STOX2: variants seen among roughly 807,000 people sequenced by gnomAD.
STOX2 encodes the protein storkhead-box protein 2.
STOX2 carries 28 observed loss-of-function variants against 60.9 expected under a neutral mutation model. The observed-to-expected ratio is 0.46, with a 90% CI of 0.34 to 0.63. The LOEUF is 0.63. Ranked by LOEUF, STOX2 falls within the 30% of genes least tolerant of loss-of-function variation. The probability of loss-of-function intolerance (pLI) is 0.01; values close to 1 mark genes in which losing one functional copy is unlikely to be tolerated. For synonymous variants in STOX2, 472 were observed against 463.9 expected, an observed-to-expected ratio of 1.02 and a Z score of -0.22; for missense variants, 1,024 against 1,187.7, an observed-to-expected ratio of 0.86 and a Z score of 2.03.
chr4:183,869,412 C>G (rs926062475), intron 1 of STOX2, among the ~76,000 whole-genome samples: 4 of 152,044 alleles, frequency 2.6e-5, no homozygotes, highest in Admixed American at 2.0e-4. Context: ...CATGGGAATC[C>G]TGTGAAAGGT....
intron 1 of STOX2, among the ~76,000 whole-genome samples, chr4:183,931,594 T>C (rs1279551458): frequency 6.6e-6 from 1 of 152,178 alleles, no homozygotes; most frequent in Non-Finnish European, 1.5e-5. Flanking sequence ...TGCAGACTAT[T>C]GTGAAAGAAA....
chr4:183,906,684 G>T lies in STOX2; in HGVS notation c.-107G>T. 1 of 1,251,140 alleles carries T rather than the reference G, an allele frequency of 8.0e-7. No individual in the cohort carries two copies. 77.5% of individuals were successfully genotyped at this position (1,251,140 alleles called of 1,614,324 possible). ...GCCGACGAGGAGGGGCTGGGAAAAT[G>T]TGCGCAGAGTCCGCCCGGGTCGTGC... On this transcript the variant is annotated 5_prime_UTR_variant, in exon 1 of 4. An upstream start codon of the reference 5' UTR is lost. Coordinates refer to ENST00000308497, the MANE Select transcript of STOX2 (RefSeq NM_020225.3).
chr4:183,901,597 ATTTT>A (rs35480727), upstream of STOX2, among the ~76,000 whole-genome samples: 3 of 140,334 alleles, frequency 2.1e-5, no homozygotes, highest in Non-Finnish European at 1.6e-5. Flanking sequence ...GTTTTTGGGT[ATTTT>A]TTTTTTTTTT....
intron 1 of STOX2, among the ~76,000 whole-genome samples, chr4:183,831,371 G>A (rs961280238): frequency 6.6e-6 from 1 of 152,054 alleles, no homozygotes; most frequent in Non-Finnish European, 1.5e-5. Flanking sequence ...CGTTATAAAC[G>A]TTGCCAAATT....
chr4:183,924,246 T>C (rs1368331841), intron 1 of STOX2, among the ~76,000 whole-genome samples: 1 of 152,092 alleles, frequency 6.6e-6, no homozygotes, highest in Non-Finnish European at 1.5e-5. Flanking sequence ...AGAGTCAGGA[T>C]CCATTCTTGC....
At chr4:183,833,410 G>A (rs1739619783) in intron 1 of STOX2, among the ~76,000 whole-genome samples, 1 of 152,080 alleles carries the variant, frequency 6.6e-6, no homozygotes, top group Admixed American at 6.5e-5. Context: ...TAAGTTCATA[G>A]CCTGGATATT....
At chr4:183,930,270 A>G (rs1405049795) in intron 1 of STOX2, among the ~76,000 whole-genome samples, 1 of 151,480 alleles carries the variant, frequency 6.6e-6, no homozygotes, top group Admixed American at 6.6e-5. Flanking sequence ...AGCTCAAGTG[A>G]TCCTCCCAGC....
chr4:183,931,587 A>G lies in STOX2; in HGVS notation c.166+24631A>G, dbSNP rs539243505. ...AGTCTCCTGTTTACTTAGATTATGC[A>G]GACTATTGTGAAAGAAAGGGACTGA... On this transcript the variant is annotated intron_variant, in intron 1 of 3. Transcript: ENST00000308497. Among the ~76,000 whole-genome samples, 4 of 152,332 alleles carry G rather than the reference A, an allele frequency of 2.6e-5. No individual in the cohort carries two copies. In the East Asian group the frequency reaches 7.7e-4, roughly 29 times the overall value.
rs144198280 is a variant in STOX2, at chr4:183,942,305, T to TTA, written c.166+35363_166+35364dup. ...TTGTAAATTATCTTACACATTTGCA[T>TTA]TATATATATATATATGTGCCAGGCT... On this transcript the variant is annotated intron_variant, in intron 1 of 3. Transcript: ENST00000308497. Among the ~76,000 whole-genome samples the TTA allele has an allele frequency of 2.3e-3, 342 of 149,300 alleles. 1 individual carries two copies. Among genetic ancestry groups the TTA allele is most frequent in the Middle Eastern group, 0.014 (4 of 278 alleles).
chr4:183,994,295 C>T (rs376639502), intron 1 of STOX2, among the ~76,000 whole-genome samples: 1 of 152,056 alleles, frequency 6.6e-6, no homozygotes, highest in African/African-American at 2.4e-5. Context: ...TTATGGCATC[C>T]GTGATTTTAA....
In STOX2 at chr4:183,913,498, C is replaced by T. The variant is rs185173315; in HGVS notation, c.166+6542C>T. On this transcript the variant is annotated intron_variant, in intron 1 of 3. Transcript: ENST00000308497. ...ATAGAACAGTGTGTCCTGGGCCAGG[C>T]GTGGTGGTTCGCGCCTATAATCCCA... Among the ~76,000 whole-genome samples the T allele has an allele frequency of 1.2e-3, 189 of 152,096 alleles. 1 individual carries two copies. Among genetic ancestry groups the T allele is most frequent in the African/African-American group, 4.0e-3 (165 of 41,492 alleles).
intron 1 of STOX2, among the ~76,000 whole-genome samples, chr4:183,979,363 T>C (rs1298884769): frequency 6.6e-6 from 1 of 152,130 alleles, no homozygotes; most frequent in African/African-American, 2.4e-5. Context: ...TCCAGTCACC[T>C]CCCACCAGGC....
In STOX2 at chr4:183,907,822, C is replaced by T. The variant is rs377590232; in HGVS notation, c.166+866C>T. 5.3e-5 allele frequency among the ~76,000 whole-genome samples: 8 copies of T among 152,326 alleles called. No homozygotes were observed. The South Asian group carries it at 8.3e-4, about 16-fold the overall frequency. ...GAAACCTTCCGTTGCCTTCTCCTTACTTCTCCTTAACCACTTGGATGTAAT... is the reference window on the plus strand; with the variant it reads ...GAAACCTTCCGTTGCCTTCTCCTTATTTCTCCTTAACCACTTGGATGTAAT... On this transcript the variant is annotated intron_variant, in intron 1 of 3. Coordinates refer to ENST00000308497, the MANE Select transcript of STOX2 (RefSeq NM_020225.3).
At chr4:183,901,159 C>T (rs553221331), upstream of STOX2, among the ~76,000 whole-genome samples, 2 of 152,256 alleles carry the variant, frequency 1.3e-5, no homozygotes, top group Non-Finnish European at 2.9e-5. Flanking sequence ...TGGAATTATG[C>T]ATTATTTTTC....
chr4:183,900,372 C>T (rs1170974281), upstream of STOX2, among the ~76,000 whole-genome samples: 1 of 152,056 alleles, frequency 6.6e-6, no homozygotes, highest in African/African-American at 2.4e-5. Context: ...GATCATGATT[C>T]CTCTGATGGA....
rs1466579525 is a variant in STOX2, at chr4:183,856,285, A to T, written c.364+58230A>T. Among the ~76,000 whole-genome samples, 1 of 152,160 alleles carries T rather than the reference A, an allele frequency of 6.6e-6. No individual in the cohort carries two copies. Among genetic ancestry groups the T allele is most frequent in the African/African-American group, 2.4e-5 (1 of 41,432 alleles). On this transcript the variant is annotated intron_variant, in intron 1 of 2. Transcript: ENST00000513034. The surrounding 1 kb of genome is among the most constrained non-coding windows in gnomAD (Gnocchi z 4.0). The stretch of plus-strand genomic sequence containing the variant: ...CCCCCAAGACGAGCCTATGAACTAA[A>T]AAAATCTGCACCATTAATTAAAGAA...
chr4:183,817,265 G>A (rs1193288199), intron 1 of STOX2, among the ~76,000 whole-genome samples: 1 of 152,158 alleles, frequency 6.6e-6, no homozygotes, highest in Non-Finnish European at 1.5e-5. Flanking sequence ...GTAATCTAGG[G>A]GAAAACCTCA....
intron 1 of STOX2, among the ~76,000 whole-genome samples, chr4:183,887,306 A>C (rs1041168414): frequency 2.0e-5 from 3 of 152,130 alleles, no homozygotes; most frequent in African/African-American, 7.2e-5. Context: ...CTGTACAGGG[A>C]CGTCATAGCT....
chr4:183,856,440 A>T lies in STOX2; in HGVS notation c.364+58385A>T, dbSNP rs112895873. 1.3e-5 allele frequency among the ~76,000 whole-genome samples: 2 copies of T among 152,226 alleles called. No homozygotes were observed. Among genetic ancestry groups the T allele is most frequent in the African/African-American group, 2.4e-5 (1 of 41,462 alleles). On this transcript the variant is annotated intron_variant, in intron 1 of 2. Coordinates refer to the STOX2 transcript ENST00000513034. This position sits in a 1 kb window ranked among gnomAD's most constrained non-coding sequence, Gnocchi z 4.0. ...AACACTTAAAGTAGTGTGTGATTCA[A>T]CTTACTTGCTAACCTCGTATTTGAC...
Sources: allele counts gnomAD v4.1 joint callset (sites outside exome capture counted in the v4.1 genomes callset), GRCh38; gene constraint gnomAD v4.1.1; non-coding constraint Gnocchi (gnomAD v3.1); transcripts MANE v1.5; gene names NCBI Gene and HGNC (gene_info 2026-07-23, HGNC 2026-07-21).